Variants in PHACTR1 observed in about 807,000 individuals in gnomAD.
The protein encoded by PHACTR1 is phosphatase and actin regulator 1, also known as RPEL repeat containing 1.
PHACTR1 carries 16 observed loss-of-function variants against 69.2 expected under a neutral mutation model. The ratio of observed to expected loss-of-function variants is 0.23; its 90% CI spans 0.16 to 0.35. The LOEUF (loss-of-function observed/expected upper bound fraction) is 0.35. Ranked by LOEUF, PHACTR1 falls within the 10% of genes least tolerant of loss-of-function variation. The pLI, the probability that PHACTR1 is intolerant of heterozygous loss-of-function variation, is 1.00. For synonymous variants in PHACTR1, 312 were observed against 284.5 expected (o/e 1.10, Z -0.97); for missense variants, 510 against 734.7 (o/e 0.69, Z 3.54).
intron 4 of PHACTR1, among the ~76,000 whole-genome samples, chr6:12,996,734 G>T (rs1797453158): frequency 6.6e-6 from 1 of 152,120 alleles, no homozygotes; most frequent in Non-Finnish European, 1.5e-5. Flanking sequence ...TACAACCCTT[G>T]ATCTAAAAAC....
At chr6:13,101,585 T>C (rs1188365678) in intron 5 of PHACTR1, among the ~76,000 whole-genome samples, 3 of 152,180 alleles carry the variant, frequency 2.0e-5, no homozygotes, top group African/African-American at 4.8e-5. Context: ...TGAAAAAATA[T>C]AGAAGAACCT....
chr6:12,965,403 T>C (rs1793321265), intron 4 of PHACTR1, among the ~76,000 whole-genome samples: 1 of 151,844 alleles, frequency 6.6e-6, no homozygotes, highest in South Asian at 2.1e-4. Context: ...GCCTCCCTGT[T>C]TGAGCTCTCA....
At chr6:13,153,552 TAG>T (rs1476385827) in intron 5 of PHACTR1, among the ~76,000 whole-genome samples, 1 of 152,252 alleles carries the variant, frequency 6.6e-6, no homozygotes, top group Non-Finnish European at 1.5e-5. Flanking sequence ...AATTGTAGAC[TAG>T]ATGTTTCTAG....
At chr6:13,225,090 C>T (rs1417514025) in intron 8 of PHACTR1, among the ~76,000 whole-genome samples, 1 of 152,220 alleles carries the variant, frequency 6.6e-6, no homozygotes, top group Admixed American at 6.5e-5. Context: ...CTTCTATACT[C>T]TCCTTTCTTT....
chr6:13,077,747 C>T (rs903888130), intron 5 of PHACTR1, among the ~76,000 whole-genome samples: 2 of 152,044 alleles, frequency 1.3e-5, no homozygotes, highest in African/African-American at 4.8e-5. Context: ...GCTATCGTAG[C>T]AGTCTAGGCA....
intron 5 of PHACTR1, among the ~76,000 whole-genome samples, chr6:13,073,225 C>A (rs187218718): frequency 6.9e-4 from 83 of 119,586 alleles, no homozygotes; most frequent in African/African-American, 1.2e-3. Context: ...ACAGGATTAA[C>A]AAAAAAAAAA....
At chr6:13,207,769 A>G (rs999531310) in intron 8 of PHACTR1, among the ~76,000 whole-genome samples, 3 of 152,144 alleles carry the variant, frequency 2.0e-5, no homozygotes, top group Non-Finnish European at 4.4e-5. Flanking sequence ...TGCTTGTCCC[A>G]TAGTAGTGGC....
chr6:13,267,704 C>G (rs1035435709), intron 10 of PHACTR1: 3 of 152,130 alleles, frequency 2.0e-5, no homozygotes, highest in Non-Finnish European at 4.4e-5. Flanking sequence ...GTGTCTGGCC[C>G]TTCATGTGGC....
At chr6:12,756,640 T>G (rs1418661097) in intron 4 of PHACTR1, among the ~76,000 whole-genome samples, 1 of 152,246 alleles carries the variant, frequency 6.6e-6, no homozygotes, top group Non-Finnish European at 1.5e-5. Flanking sequence ...TTGATCCTTG[T>G]TGCCACATTT....
rs78147436 is a variant in PHACTR1, at chr6:12,722,706, G to C, written c.103+3859G>C. 6.5e-3 allele frequency among the ~76,000 whole-genome samples: 992 copies of C among 152,270 alleles called. 15 individuals carry two copies. The highest frequency in any genetic ancestry group is 0.023 in the African/African-American group (958 of 41,540). On this transcript the variant is annotated intron_variant, in intron 3 of 14. Coordinates refer to ENST00000332995, the MANE Select transcript of PHACTR1 (RefSeq NM_030948.6). ...TTTCCCCTGGTTGGACCTCAAGGTG[G>C]GGGAGATCAGCTGCCTCTCTCATGA... is the stretch of plus-strand genomic sequence containing the variant.
intron 6 of PHACTR1, among the ~76,000 whole-genome samples, chr6:13,170,780 T>C (rs1383487164): frequency 2.6e-5 from 4 of 152,202 alleles, no homozygotes; most frequent in African/African-American, 7.2e-5. Flanking sequence ...CTCTGGTTTC[T>C]GATTGAATAT....
chr6:12,957,940 G>T (rs1364619838), intron 4 of PHACTR1: 1 of 985,242 alleles, frequency 1.0e-6, no homozygotes, highest in Non-Finnish European at 1.2e-6. Context: ...TGAGGAGACT[G>T]TTGCTCAATT....
intron 4 of PHACTR1, among the ~76,000 whole-genome samples, chr6:13,048,933 T>C (rs1374133756): frequency 6.6e-6 from 1 of 152,194 alleles, no homozygotes; most frequent in African/African-American, 2.4e-5. Context: ...GCTAGCCCCA[T>C]CATCAAATTA....
At chr6:12,923,986 G>A (rs79908102) in intron 4 of PHACTR1, among the ~76,000 whole-genome samples, 1,988 of 152,248 alleles carry the variant, frequency 0.013, 48 homozygotes, top group African/African-American at 0.045. Flanking sequence ...GTGGTAATAA[G>A]GTAACATTCT....
chr6:13,163,865 G>A (rs1759402309), intron 6 of PHACTR1, among the ~76,000 whole-genome samples: 1 of 152,112 alleles, frequency 6.6e-6, no homozygotes. Flanking sequence ...TTTTATAACA[G>A]TGACTTTATA....
At chr6:13,193,371 A>ATATATATATATATATG (rs1274719440) in intron 7 of PHACTR1, among the ~76,000 whole-genome samples, 1 of 106,478 alleles carries the variant, frequency 9.4e-6, no homozygotes, top group Non-Finnish European at 1.9e-5. Flanking sequence ...ATATATATAT[A>ATATATATATATATATG]TATATATATA....
rs1562037157 is a variant in PHACTR1 at position 13,231,088 on chromosome 6, AAGGAAGGAAGGGAAAAG to A, written c.1391+897_1391+913del. Among the ~76,000 whole-genome samples the A allele has an allele frequency of 1.3e-4, 10 of 79,216 alleles. 1 individual carries two copies. Among genetic ancestry groups the A allele is most frequent in the African/African-American group, 4.8e-4 (10 of 20,790 alleles). 52.0% of individuals were successfully genotyped at this position (79,216 alleles called of 152,430 possible). A position where few individuals can be genotyped will look rare whatever the true frequency, so the allele number is the denominator to read the frequency against. On this transcript the variant is annotated intron_variant, in intron 10 of 14. Transcript: ENST00000332995. ...GGAAGGAAGGAAGGAAGGAAGGAAG[AAGGAAGGAAGGGAAAAG>A]AAAGAAGGAAAGAGAGAAAGAAAGA...
intron 4 of PHACTR1, among the ~76,000 whole-genome samples, chr6:12,990,856 A>G (rs1409579369): frequency 6.6e-6 from 1 of 152,104 alleles, no homozygotes; most frequent in African/African-American, 2.4e-5. Context: ...TTTCCCAGAG[A>G]CGACCGGGCT....
intron 5 of PHACTR1, among the ~76,000 whole-genome samples, chr6:13,137,667 C>T (rs1187099830): frequency 6.6e-6 from 1 of 152,236 alleles, no homozygotes; most frequent in East Asian, 1.9e-4. Context: ...ACAGGTGACC[C>T]ATGCATTTGT....
Sources: gnomAD v4.1 joint callset for allele counts (sites outside exome capture counted in the v4.1 genomes callset) on GRCh38, gnomAD v4.1.1 for gene constraint, MANE v1.5 for transcripts, NCBI Gene and HGNC (gene_info 2026-07-23, HGNC 2026-07-21) for gene names.